CSMD3: variants seen among roughly 807,000 people sequenced by gnomAD.
CSMD3 encodes CUB and sushi domain-containing protein 3.
Under a neutral mutation model 435.2 loss-of-function variants are expected in CSMD3, and 177 were observed. That is an observed-to-expected ratio of 0.41 (90% CI 0.36 to 0.46). The LOEUF is 0.46. Among genes scored for constraint, CSMD3 ranks in the 20% least tolerant of loss-of-function variants. CSMD3 has a pLI of 0.34. For synonymous variants in CSMD3, 1,656 were observed against 1,520.5 expected, an observed-to-expected ratio of 1.09 and a Z score of -2.07; for missense variants, 4,265 against 4,504.6, an observed-to-expected ratio of 0.95 and a Z score of 1.52.
chr8:112,235,145 G>A (rs1162403083), intron 67 of CSMD3, among the ~76,000 whole-genome samples: 1 of 151,992 alleles, frequency 6.6e-6, no homozygotes, highest in African/African-American at 2.4e-5. Context: ...GCGGACAGAT[G>A]GTCTGAATCC....
At chr8:113,407,894 AAC>A (rs1327196854) in intron 1 of CSMD3, among the ~76,000 whole-genome samples, 1 of 152,202 alleles carries the variant, frequency 6.6e-6, no homozygotes, top group Non-Finnish European at 1.5e-5. Context: ...CTCATGGACA[AAC>A]AGTTACATCT....
chr8:112,791,177 G>T (rs890431121), intron 13 of CSMD3, among the ~76,000 whole-genome samples: 1 of 151,906 alleles, frequency 6.6e-6, no homozygotes, highest in African/African-American at 2.4e-5. Context: ...ACAAAAATTA[G>T]CCATGCATGG....
At chr8:112,546,731 C>T (rs1827215439) in intron 27 of CSMD3, among the ~76,000 whole-genome samples, 1 of 152,110 alleles carries the variant, frequency 6.6e-6, no homozygotes, top group African/African-American at 2.4e-5. Flanking sequence ...GAGGACAGCA[C>T]ATAGGACAGC....
chr8:113,381,001 C>G (rs2133104268), intron 1 of CSMD3, among the ~76,000 whole-genome samples: 1 of 152,298 alleles, frequency 6.6e-6, no homozygotes, highest in South Asian at 2.1e-4. Flanking sequence ...AGGCAGTCAG[C>G]TCTTTCAGCT....
At chr8:113,164,178 T>G (rs2131846114) in intron 4 of CSMD3, among the ~76,000 whole-genome samples, 1 of 152,168 alleles carries the variant, frequency 6.6e-6, no homozygotes, top group South Asian at 2.1e-4. Flanking sequence ...ACCTTGCTCT[T>G]GGTTTCATCT....
At chr8:113,365,539 CA>C (rs1285686430) in intron 1 of CSMD3, among the ~76,000 whole-genome samples, 3 of 151,884 alleles carry the variant, frequency 2.0e-5, no homozygotes, top group South Asian at 2.1e-4. Context: ...AACAGCATCA[CA>C]AAAAAATGAT....
chr8:113,436,932 C>T lies in CSMD3; in HGVS notation c.-78G>A, dbSNP rs117143184. ...TGCTGTTGTTGGTGCGCGGTCACAG[C>T]TCGGAGTGAATGGTGTTTCTGGGAT... On this transcript the variant is annotated 5_prime_UTR_variant, in exon 1 of 71. Transcript: ENST00000297405. The T allele has an allele frequency of 6.1e-3, 9,217 of 1,506,774 alleles. 367 individuals carry two copies. The East Asian group carries it at 0.11, about 18-fold the overall frequency. The allele number at this position is 1,506,774 out of a possible 1,614,324, so 93.3% of individuals were successfully genotyped here. A position where few individuals can be genotyped will look rare whatever the true frequency, so the allele number is the denominator to read the frequency against.
chr8:113,355,749 T>TACACAC lies in CSMD3; in HGVS notation c.179-40962_179-40957dup, dbSNP rs1554618938. Among the ~76,000 whole-genome samples the TACACAC allele has an allele frequency of 1.5e-3, 123 of 81,278 alleles. 2 individuals are homozygous for TACACAC. The highest frequency in any genetic ancestry group is 4.1e-3 in the African/African-American group (73 of 17,982). 53.3% of individuals were successfully genotyped at this position (81,278 alleles called of 152,430 possible). A position where few individuals can be genotyped will look rare whatever the true frequency, so the allele number is the denominator to read the frequency against. On this transcript the variant is annotated intron_variant, in intron 1 of 70. Transcript: ENST00000297405. ...ATATATATATATATATATATATATA[T>TACACAC]ACACACACACACACACACGGGGTGT...
rs1814803613 is a variant in CSMD3 at position 112,247,043 on chromosome 8, C to T, written c.10199G>A (p.Ser3400Asn). 3 of 1,613,402 alleles carry T rather than the reference C, an allele frequency of 1.9e-6. No individual in the cohort carries two copies. In the African/African-American group the frequency reaches 4.0e-5, roughly 22 times the overall value. ...TRTCLPDLTW[S>N]GIQPECIPHS... ...ACGTATGCATTCAGGCTGAATCCCA[C>T]TCCACGTAAGATCAGGGAGGCAGGT... Residue 3400 changes from serine (S) to asparagine (N), a missense_variant, in exon 64 of 71, where the codon AGT becomes AAT. Physicochemically the swap from Ser to Asn is conservative, Grantham distance 46. Coordinates refer to ENST00000297405, the MANE Select transcript of CSMD3 (RefSeq NM_198123.2).
rs538941884 is a variant in CSMD3, at chr8:113,037,660, GCTT to G, written c.918-18484_918-18482del. Among the ~76,000 whole-genome samples the G allele has an allele frequency of 1.2e-3, 187 of 152,046 alleles. 1 individual carries two copies. The highest frequency in any genetic ancestry group is 4.4e-3 in the African/African-American group (181 of 41,484). On this transcript the variant is annotated intron_variant, in intron 5 of 70. Transcript: ENST00000297405. ...TCTTTTAGAGATATGACTATAATTA[GCTT>G]TTTTGCTGTTTTTAATTTTCACTAT...
rs1485601893 is a variant in CSMD3, at chr8:112,223,563, A to G, written c.*1208T>C. The G allele has an allele frequency of 6.5e-6, 1 of 152,896 alleles. No homozygotes were observed. The highest frequency in any genetic ancestry group is 2.1e-4 in the South Asian group (1 of 4,838). The allele number at this position is 152,896 out of a possible 1,614,324, so 9.5% of individuals were successfully genotyped here. On this transcript the variant is annotated 3_prime_UTR_variant, in exon 71 of 71. Transcript: ENST00000297405. ...CATATCTTAATTTGACAATGAAAGA[A>G]ACCTCTTGTATGTGAAACTTGGTGT...
chr8:113,250,874 C>G (rs902618104), intron 3 of CSMD3, among the ~76,000 whole-genome samples: 2 of 151,748 alleles, frequency 1.3e-5, no homozygotes, highest in African/African-American at 4.8e-5. Context: ...TTCTAGCCAG[C>G]GCGGAAGACA....
At chr8:112,357,986 A>G (rs1826802746) in intron 38 of CSMD3, among the ~76,000 whole-genome samples, 1 of 152,108 alleles carries the variant, frequency 6.6e-6, no homozygotes, top group Admixed American at 6.5e-5. Flanking sequence ...TCATGCACCT[A>G]CAAAAGCTGC....
chr8:112,226,970 A>G (rs1354634340), intron 70 of CSMD3, among the ~76,000 whole-genome samples: 1 of 152,182 alleles, frequency 6.6e-6, no homozygotes, highest in Admixed American at 6.5e-5. Flanking sequence ...TCCATTGCCG[A>G]TAGGAATGGA....
intron 13 of CSMD3, among the ~76,000 whole-genome samples, chr8:112,784,094 C>T (rs544737676): frequency 6.6e-6 from 1 of 151,890 alleles, no homozygotes; most frequent in East Asian, 1.9e-4. Context: ...CCAAATGGTC[C>T]TAATAGATAT....
chr8:112,920,399 A>G (rs1383852150), intron 10 of CSMD3, among the ~76,000 whole-genome samples: 1 of 151,968 alleles, frequency 6.6e-6, no homozygotes, highest in Non-Finnish European at 1.5e-5. Context: ...ATAATAATAT[A>G]GATATAACAT....
intron 23 of CSMD3, among the ~76,000 whole-genome samples, chr8:112,583,816 G>A (rs1004681298): frequency 6.6e-6 from 1 of 151,856 alleles, no homozygotes; most frequent in Non-Finnish European, 1.5e-5. Flanking sequence ...ATTCCTAAAT[G>A]ATCATTTTGT....
chr8:112,967,775 T>C (rs2084478593), intron 7 of CSMD3, among the ~76,000 whole-genome samples: 1 of 151,568 alleles, frequency 6.6e-6, no homozygotes, highest in Non-Finnish European at 1.5e-5. Flanking sequence ...TTTTGTTCAA[T>C]ACTGTATACC....
intron 16 of CSMD3, among the ~76,000 whole-genome samples, chr8:112,670,939 A>G (rs2075641222): frequency 6.6e-6 from 1 of 151,056 alleles, no homozygotes; most frequent in South Asian, 2.1e-4. Flanking sequence ...CAACCCTTTG[A>G]AAAAAGTATT....
Sources: gnomAD v4.1 joint callset for allele counts (sites outside exome capture counted in the v4.1 genomes callset) on GRCh38, gnomAD v4.1.1 for gene constraint, MANE v1.5 for transcripts, NCBI Gene and HGNC (gene_info 2026-07-23, HGNC 2026-07-21) for gene names.